Variants in MAP3K8 observed in about 807,000 individuals in gnomAD.
The protein encoded by MAP3K8 is mitogen-activated protein kinase kinase kinase 8.
In MAP3K8, 22 loss-of-function variants were observed where a neutral mutation model predicts 45.8. The ratio of observed to expected loss-of-function variants is 0.48; its 90% confidence interval spans 0.34 to 0.69. The LOEUF (loss-of-function observed/expected upper bound fraction) is 0.69. Ranked by LOEUF, MAP3K8 falls within the 30% of genes least tolerant of loss-of-function variation. The pLI, the probability that MAP3K8 is intolerant of heterozygous loss-of-function variation, is 0.01. For synonymous variants in MAP3K8, 223 were observed against 214.3 expected, an observed-to-expected ratio of 1.04 and a Z score of -0.36; for missense variants, 419 against 585.0, an observed-to-expected ratio of 0.72 and a Z score of 2.93.
intron 3 of MAP3K8, 147 bp downstream of exon 3, chr10:30,439,421 T>C: frequency 2.2e-6 from 3 of 1,362,876 alleles, no homozygotes; most frequent in South Asian, 1.7e-5. Context: ...AGTACTTCCA[T>C]GTTAAAGATG....
chr10:30,437,102 G>A (rs1405458223), intron 1 of MAP3K8, 74 bp from the exon 2 acceptor site: 2 of 857,254 alleles, frequency 2.3e-6, no homozygotes, highest in Non-Finnish European at 2.8e-6. Context: ...TAGATTTCAC[G>A]GTGGTGATAA....
In MAP3K8 at chr10:30,448,536, G is replaced by A. The variant is rs1208497373; in HGVS notation, c.504+587G>A. ...CAACCTCTACCTCCTGGGTTCAAAC[G>A]ATTCTCCTGCATCAGCCTCCCAAGT... On this transcript the variant is annotated intron_variant, in intron 4 of 8. Transcript: ENST00000263056. Among the ~76,000 whole-genome samples the A allele has an allele frequency of 4.0e-5, 6 of 151,584 alleles. No individual in the cohort carries two copies. The East Asian group carries it at 7.7e-4, about 20-fold the overall frequency.
chr10:30,442,390 G>A (rs1836144894), intron 3 of MAP3K8, among the ~76,000 whole-genome samples: 1 of 152,220 alleles, frequency 6.6e-6, no homozygotes, highest in South Asian at 2.1e-4. Context: ...TCCAGGTGGA[G>A]AAAACAGCAT....
rs375391386 is a variant in MAP3K8, at chr10:30,458,271, G to A, written c.1026+35G>A. ...GTTCAACCAGGGCTGGGGGCGGCGGGGGGGGGCGTTGAGTTATGCATCCCG... is the reference window on the plus strand; with the variant it reads ...GTTCAACCAGGGCTGGGGGCGGCGGAGGGGGGCGTTGAGTTATGCATCCCG... On this transcript the variant is annotated intron_variant, in intron 7 of 8. Transcript: ENST00000263056. The A allele has an allele frequency of 6.6e-6, 9 of 1,366,944 alleles. 1 individual carries two copies. Among genetic ancestry groups the A allele is most frequent in the East Asian group, 2.7e-5 (1 of 36,548 alleles). 84.7% of individuals were successfully genotyped at this position (1,366,944 alleles called of 1,614,324 possible). A position where few individuals can be genotyped will look rare whatever the true frequency, so the allele number is the denominator to read the frequency against.
At chr10:30,440,949 G>T (rs1420720372) in intron 3 of MAP3K8, among the ~76,000 whole-genome samples, 1 of 152,108 alleles carries the variant, frequency 6.6e-6, no homozygotes, top group African/African-American at 2.4e-5. Context: ...TGTACAGAAA[G>T]AAATTCAGGA....
Position 30,448,420 on chromosome 10 carries a change from A to T in MAP3K8, c.504+471A>T, listed in dbSNP as rs1009704662. Among the ~76,000 whole-genome samples the T allele has an allele frequency of 6.3e-5, 9 of 142,272 alleles. No individual in the cohort carries two copies. The East Asian group carries it at 1.4e-3, about 22-fold the overall frequency. 93.3% of individuals were successfully genotyped at this position (142,272 alleles called of 152,430 possible). A position where few individuals can be genotyped will look rare whatever the true frequency, so the allele number is the denominator to read the frequency against. ...GAAAAGACCCTATCCCAAATTTATT[A>T]TTATTATTATTATTATTATTATTAT... On this transcript the variant is annotated intron_variant, in intron 4 of 8. Coordinates refer to ENST00000263056, the MANE Select transcript of MAP3K8 (RefSeq NM_005204.4).
At position 30,438,884 on chromosome 10, in the gene MAP3K8, C is replaced by T. The variant is rs1008537173; in HGVS notation, c.-23-32C>T. 4.2e-5 allele frequency: 50 copies of T among 1,204,114 alleles called. No individual in the cohort carries two copies. In the East Asian group the frequency reaches 8.2e-4, roughly 20 times the overall value. 74.6% of individuals were successfully genotyped at this position (1,204,114 alleles called of 1,614,324 possible). On this transcript the variant is annotated intron_variant, in intron 2 of 8. Coordinates refer to ENST00000263056, the MANE Select transcript of MAP3K8 (RefSeq NM_005204.4). ...GGGTCTTGAATGCAAATACAAATATCGTAAACTAAATATTTGTGTTTTCTT... is the reference window on the plus strand; with the variant it reads ...GGGTCTTGAATGCAAATACAAATATTGTAAACTAAATATTTGTGTTTTCTT...
Position 30,461,135 on chromosome 10 carries a change from A to G in MAP3K8, c.*299A>G, listed in dbSNP as rs1289002597. On this transcript the variant is annotated 3_prime_UTR_variant, in exon 9 of 9. Coordinates refer to ENST00000263056, the MANE Select transcript of MAP3K8 (RefSeq NM_005204.4). ...TTCATTCACTGTGCACTTTGCTCAAAATTTTAAAAATACCAATCACAAGGA... is the reference window on the plus strand; with the variant it reads ...TTCATTCACTGTGCACTTTGCTCAAGATTTTAAAAATACCAATCACAAGGA... 3.3e-6 allele frequency: 1 copy of G among 302,288 alleles called. No homozygotes were observed. The highest frequency in any genetic ancestry group is 4.9e-5 in the Admixed American group (1 of 20,408). The allele number at this position is 302,288 out of a possible 1,614,324, so 18.7% of individuals were successfully genotyped here.
intron 3 of MAP3K8, among the ~76,000 whole-genome samples, chr10:30,447,304 C>T (rs1025247292): frequency 2.0e-5 from 3 of 152,230 alleles, no homozygotes; most frequent in Admixed American, 6.5e-5. Context: ...CTCTGACATA[C>T]GCTGTGGTTT....
At chr10:30,451,571 TA>T in intron 5 of MAP3K8, 66 bp from the exon 6 acceptor site, 1 of 771,052 alleles carries the variant, frequency 1.3e-6, no homozygotes, top group East Asian at 2.7e-5. Flanking sequence ...TTGTTTTAGA[TA>T]ATGTTTTCAT....
chr10:30,444,595 A>C, intron 3 of MAP3K8, among the ~76,000 whole-genome samples: 1 of 152,232 alleles, frequency 6.6e-6, no homozygotes, highest in East Asian at 1.9e-4. Flanking sequence ...CCATCATGAA[A>C]AGAGCCTAGG....
rs998474251 is a variant in MAP3K8, at chr10:30,437,073, G to C, written c.-254-103G>C. 5.4e-6 allele frequency: 3 copies of C among 554,496 alleles called. No homozygotes were observed. In the Admixed American group the frequency reaches 1.9e-4, roughly 35 times the overall value. 34.3% of individuals were successfully genotyped at this position (554,496 alleles called of 1,614,324 possible). A position where few individuals can be genotyped will look rare whatever the true frequency, so the allele number is the denominator to read the frequency against. On this transcript the variant is annotated intron_variant, in intron 1 of 8. Transcript: ENST00000263056. ...CGAAGATGTACAAGATCTCAGGAGG[G>C]GAAGCTGCCCCCTCACTCTAGATTT...
At chr10:30,444,563 C>T (rs1480210671) in intron 3 of MAP3K8, among the ~76,000 whole-genome samples, 2 of 152,118 alleles carry the variant, frequency 1.3e-5, no homozygotes, top group Non-Finnish European at 2.9e-5. Flanking sequence ...AGGACTTGCA[C>T]ATTACACTAG....
intron 3 of MAP3K8, 58 bp from the exon 4 acceptor site, chr10:30,447,713 ATAGGTGGGTCT>A: frequency 8.5e-7 from 1 of 1,169,932 alleles, no homozygotes; most frequent in Non-Finnish European, 1.3e-6. Flanking sequence ...CAGCTTCCTA[ATAGGTGGGTCT>A]TAGAAAAAGC....
In MAP3K8 at chr10:30,459,456, A is replaced by G. The variant is rs1188267731; in HGVS notation, c.1228A>G (p.Arg410Gly). ...SLDSALLERK[R>G]LLSRKELELP... ...GGACTCTGCCCTCTTGGAGCGCAAG[A>G]GGCTGCTGAGTAGGAAGGAGCTGGA... The change falls in exon 8 of 9, where the codon AGG (arginine) becomes GGG (glycine). Residue 410 changes from arginine to glycine, a missense_variant. Physicochemically the swap from Arg to Gly is moderately radical, Grantham distance 125. Coordinates refer to ENST00000263056, the MANE Select transcript of MAP3K8 (RefSeq NM_005204.4). 1.2e-6 allele frequency: 2 copies of G among 1,613,990 alleles called. No homozygotes were observed. The highest frequency in any genetic ancestry group is 1.7e-6 in the Non-Finnish European group (2 of 1,180,014).
At chr10:30,454,439 A>G (rs1477482302) in intron 6 of MAP3K8, among the ~76,000 whole-genome samples, 2 of 152,068 alleles carry the variant, frequency 1.3e-5, no homozygotes, top group African/African-American at 4.8e-5. Flanking sequence ...ATGGTGGTGC[A>G]TGTCTGTAGT....
intron 1 of MAP3K8, among the ~76,000 whole-genome samples, chr10:30,436,011 G>T (rs1314402782): frequency 6.6e-6 from 1 of 152,208 alleles, no homozygotes; most frequent in East Asian, 1.9e-4. Flanking sequence ...TTTAGGAAGA[G>T]AATTTCCTCG....
In MAP3K8 at chr10:30,441,657, T is replaced by C. The variant is rs1456194418; in HGVS notation, c.336+2383T>C. On this transcript the variant is annotated intron_variant, in intron 3 of 8. Transcript: ENST00000263056. ...CTAGGCAAATCGACCCAGTGGTCGA[T>C]GGCTCTGGGGGGCTGCGGTTGACTT... 2.0e-5 allele frequency among the ~76,000 whole-genome samples: 3 copies of C among 152,222 alleles called. No homozygotes were observed. The East Asian group carries it at 5.8e-4, about 29-fold the overall frequency.
At position 30,442,505 on chromosome 10, in the gene MAP3K8, A is replaced by G. The variant is rs548912956; in HGVS notation, c.336+3231A>G. Among the ~76,000 whole-genome samples, 4 of 152,354 alleles carry G rather than the reference A, an allele frequency of 2.6e-5. No individual in the cohort carries two copies. The South Asian group carries it at 8.3e-4, about 32-fold the overall frequency. ...GTAGAGAACCAGGAATTACAAAAGCATCCTGAAGAACAGGCATGTTCAGTG... is the reference window on the plus strand; with the variant it reads ...GTAGAGAACCAGGAATTACAAAAGCGTCCTGAAGAACAGGCATGTTCAGTG... On this transcript the variant is annotated intron_variant, in intron 3 of 8. Coordinates refer to ENST00000263056, the MANE Select transcript of MAP3K8 (RefSeq NM_005204.4).
Sources: gnomAD v4.1 joint callset for allele counts (sites outside exome capture counted in the v4.1 genomes callset) on GRCh38, gnomAD v4.1.1 for gene constraint, MANE v1.5 for transcripts, NCBI Gene and HGNC (gene_info 2026-07-23, HGNC 2026-07-21) for gene names.